ABLIM1: variants seen among roughly 807,000 people sequenced by gnomAD.
ABLIM1 encodes actin binding LIM protein 1.
In ABLIM1, 40 loss-of-function variants were observed where a neutral mutation model predicts 107.0. The observed-to-expected ratio is 0.37, with a 90% CI of 0.29 to 0.49. The LOEUF is 0.49. ABLIM1 is among the 20% of genes least tolerant of loss of function. The pLI is 0.97. For synonymous variants in ABLIM1, 357 were observed against 357.3 expected (o/e 1.00, Z 0.01); for missense variants, 857 against 1,008.5 (o/e 0.85, Z 2.04).
chr10:114,582,164 A>G (rs1030695188), intron 2 of ABLIM1, among the ~76,000 whole-genome samples: 1 of 152,196 alleles, frequency 6.6e-6, no homozygotes, highest in African/African-American at 2.4e-5. Context: ...TGATTTCAAT[A>G]AAGTTTCAGG....
chr10:114,525,087 T>C (rs1203568472), intron 6 of ABLIM1, among the ~76,000 whole-genome samples: 1 of 152,250 alleles, frequency 6.6e-6, no homozygotes, highest in Non-Finnish European at 1.5e-5. Flanking sequence ...TCTGAAGATA[T>C]CTCTGGTTCT....
chr10:114,657,207 GACTTA>G (rs1408818033), intron 1 of ABLIM1, among the ~76,000 whole-genome samples: 1 of 152,158 alleles, frequency 6.6e-6, no homozygotes, highest in African/African-American at 2.4e-5. Context: ...TGGCTTATTT[GACTTA>G]ACTTCATACA....
At chr10:114,569,468 C>A (rs761933403) in intron 4 of ABLIM1, among the ~76,000 whole-genome samples, 1 of 151,918 alleles carries the variant, frequency 6.6e-6, no homozygotes. Flanking sequence ...TACAGGTACC[C>A]GCCACCACGC....
intron 8 of ABLIM1, among the ~76,000 whole-genome samples, chr10:114,480,664 G>C (rs2057215791): frequency 1.3e-5 from 2 of 152,188 alleles, no homozygotes; most frequent in Admixed American, 1.3e-4. Context: ...AGTAAGATGA[G>C]GCAAGTAGGT....
intron 1 of ABLIM1, among the ~76,000 whole-genome samples, chr10:114,728,452 C>A (rs2082004570): frequency 7.0e-6 from 1 of 142,964 alleles, no homozygotes; most frequent in African/African-American, 2.6e-5. Flanking sequence ...GAGGGAGTAT[C>A]TAAATATCCA....
intron 1 of ABLIM1, among the ~76,000 whole-genome samples, chr10:114,683,802 G>T (rs1314177736): frequency 6.6e-6 from 1 of 152,146 alleles, no homozygotes; most frequent in Non-Finnish European, 1.5e-5. Context: ...TTGGCTGTCG[G>T]CCCCTGGGGA....
At chr10:114,532,370 C>T (rs916415521) in intron 6 of ABLIM1, among the ~76,000 whole-genome samples, 11 of 152,376 alleles carry the variant, frequency 7.2e-5, no homozygotes, top group Middle Eastern at 3.4e-3. Context: ...ACTCCCTCCA[C>T]TTGACTAGCT....
chr10:114,800,078 GAAT>G, the ABLIM1 span, among the ~76,000 whole-genome samples: 1 of 152,064 alleles, frequency 6.6e-6, no homozygotes, highest in African/African-American at 2.4e-5. Flanking sequence ...AGCCAGCCCA[GAAT>G]AATGTTTTTA....
At chr10:114,459,641 G>A (rs2063477567) in intron 12 of ABLIM1, among the ~76,000 whole-genome samples, 1 of 152,000 alleles carries the variant, frequency 6.6e-6, no homozygotes, top group Non-Finnish European at 1.5e-5. Flanking sequence ...TTATCTTTAA[G>A]GTTGGCAAAA....
At chr10:114,561,249 C>T (rs897211016) in intron 4 of ABLIM1, among the ~76,000 whole-genome samples, 1 of 152,174 alleles carries the variant, frequency 6.6e-6, no homozygotes, top group Non-Finnish European at 1.5e-5. Context: ...TACTCATTAG[C>T]AAACCTCAGC....
At chr10:114,569,026 T>C (rs375471193) in intron 4 of ABLIM1, among the ~76,000 whole-genome samples, 5 of 152,300 alleles carry the variant, frequency 3.3e-5, no homozygotes, top group Admixed American at 6.5e-5. Flanking sequence ...ATCATGCTTC[T>C]ATATCTTAAA....
At chr10:114,795,011 A>T in the ABLIM1 span, among the ~76,000 whole-genome samples, 37 of 152,332 alleles carry the variant, frequency 2.4e-4, no homozygotes, top group African/African-American at 8.2e-4. Context: ...TTAATTTTTT[A>T]AAAAACTCCA....
the ABLIM1 span, among the ~76,000 whole-genome samples, chr10:114,795,122 G>C: frequency 5.3e-5 from 8 of 152,034 alleles, no homozygotes; most frequent in Admixed American, 1.3e-4. Context: ...TAAAAACTGA[G>C]ACCCAGATTA....
intron 6 of ABLIM1, chr10:114,526,590 G>A (rs2064794556): frequency 1.0e-6 from 1 of 983,308 alleles, no homozygotes; most frequent in Admixed American, 6.2e-5. Context: ...CCTCACGAAG[G>A]AAGCCAGAAA....
At chr10:114,442,677 G>T (rs531222798) in intron 17 of ABLIM1, among the ~76,000 whole-genome samples, 1 of 94,508 alleles carries the variant, frequency 1.1e-5, no homozygotes, top group Non-Finnish European at 2.0e-5. Flanking sequence ...AGTTATTGGC[G>T]TATCACGCTG....
chr10:114,544,960 TGAGA>T (rs2067133454), intron 6 of ABLIM1, 41 bp downstream of exon 6: 1 of 1,576,858 alleles, frequency 6.3e-7, no homozygotes, highest in East Asian at 2.2e-5. Flanking sequence ...TGAGGGCCGC[TGAGA>T]AAGATGGCGG....
At chr10:114,751,926 G>A (rs778166625) in intron 1 of ABLIM1, among the ~76,000 whole-genome samples, 1 of 152,038 alleles carries the variant, frequency 6.6e-6, no homozygotes, top group Non-Finnish European at 1.5e-5. Context: ...AACTCTCCTA[G>A]TAAATCAGGA....
intron 1 of ABLIM1, among the ~76,000 whole-genome samples, chr10:114,753,773 A>G (rs1377703360): frequency 6.6e-6 from 1 of 152,202 alleles, no homozygotes; most frequent in Non-Finnish European, 1.5e-5. Flanking sequence ...AACGAACACA[A>G]TGAACAAGGT....
intron 6 of ABLIM1, among the ~76,000 whole-genome samples, chr10:114,515,859 G>T (rs2136214469): frequency 6.6e-6 from 1 of 152,178 alleles, no homozygotes; most frequent in East Asian, 1.9e-4. Context: ...GAAGAGGCCA[G>T]AAGCTGGAAG....
Sources: gnomAD v4.1 joint callset for allele counts (sites outside exome capture counted in the v4.1 genomes callset) on GRCh38, gnomAD v4.1.1 for gene constraint, MANE v1.5 for transcripts, NCBI Gene and HGNC (gene_info 2026-07-23, HGNC 2026-07-21) for gene names.